The following PSD3 variants were observed in gnomAD, a reference collection of about 807,000 sequenced individuals.
The protein encoded by PSD3 is PH and SEC7 domain-containing protein 3.
Under a neutral mutation model 105.5 loss-of-function variants are expected in PSD3, and 49 were observed. The ratio of observed to expected loss-of-function variants is 0.46; its 90% CI spans 0.37 to 0.59. PSD3 has a LOEUF of 0.59. PSD3 is among the 20% of genes least tolerant of loss of function. PSD3 has a pLI of 0.00. For synonymous variants in PSD3, 557 were observed against 457.8 expected, an observed-to-expected ratio of 1.22 and a Z score of -2.77; for missense variants, 1,561 against 1,263.8, an observed-to-expected ratio of 1.24 and a Z score of -3.57.
At chr8:18,768,565 C>T (rs1383791921) in intron 8 of PSD3, among the ~76,000 whole-genome samples, 1 of 152,178 alleles carries the variant, frequency 6.6e-6, no homozygotes, top group African/African-American at 2.4e-5. Context: ...CCACTGCATT[C>T]CAGCTCGGGT....
At chr8:18,787,911 A>C (rs1048179996) in intron 8 of PSD3, among the ~76,000 whole-genome samples, 1 of 152,212 alleles carries the variant, frequency 6.6e-6, no homozygotes, top group Non-Finnish European at 1.5e-5. Flanking sequence ...AAGACTCCAA[A>C]ACAGACAAAT....
chr8:18,840,581 G>C (rs1280420560), intron 4 of PSD3, among the ~76,000 whole-genome samples: 1 of 152,216 alleles, frequency 6.6e-6, no homozygotes, highest in Non-Finnish European at 1.5e-5. Flanking sequence ...CAACAATCCT[G>C]CGAAGTAGGT....
chr8:18,698,354 A>G (rs1277815959), intron 9 of PSD3, among the ~76,000 whole-genome samples: 1 of 152,146 alleles, frequency 6.6e-6, no homozygotes, highest in African/African-American at 2.4e-5. Flanking sequence ...CCTGGGCTCA[A>G]GTGATCCTCC....
chr8:18,577,847 A>G lies in PSD3; in HGVS notation c.2482-2562T>C, dbSNP rs1452919851. On this transcript the variant is annotated intron_variant, in intron 12 of 15. Transcript: ENST00000327040. ...TCCCCTCATAGATTTAACTGCATCT[A>G]TGTTTCCTCGCTCACCTGCTTCTTT... Among the ~76,000 whole-genome samples, 5 of 152,150 alleles carry G rather than the reference A, an allele frequency of 3.3e-5. No homozygotes were observed. The East Asian group carries it at 5.8e-4, about 18-fold the overall frequency.
chr8:18,658,935 C>T (rs1809102869), intron 9 of PSD3, among the ~76,000 whole-genome samples: 1 of 152,132 alleles, frequency 6.6e-6, no homozygotes, highest in Admixed American at 6.5e-5. Flanking sequence ...CCAAAACAAG[C>T]AACACCTTTT....
intron 9 of PSD3, among the ~76,000 whole-genome samples, chr8:18,670,737 C>T (rs190417245): frequency 6.6e-6 from 1 of 152,222 alleles, no homozygotes; most frequent in Admixed American, 6.5e-5. Context: ...AGGTGCAAAA[C>T]ATTGTTACGG....
rs1167907111 is a variant in PSD3, at chr8:18,535,645, C to G, written c.*98G>C. ...AAATTACTAATGCACCGTTTTGTCA[C>G]AGACTTTTTTTTTTTAAATATATTC... On this transcript the variant is annotated 3_prime_UTR_variant, in exon 16 of 16. Transcript: ENST00000327040. 2 of 990,846 alleles carry G rather than the reference C, an allele frequency of 2.0e-6. No individual in the cohort carries two copies. Among genetic ancestry groups the G allele is most frequent in the African/African-American group, 1.8e-5 (1 of 56,594 alleles). The allele number at this position is 990,846 out of a possible 1,614,324, so 61.4% of individuals were successfully genotyped here.
At position 19,059,417 on chromosome 8, in the gene PSD3, G is replaced by A. The variant is rs184843573; in HGVS notation, c.324+24789C>T. On this transcript the variant is annotated intron_variant, in intron 1 of 1. Coordinates refer to the PSD3 transcript ENST00000521475. ...TCATGAGAAGCACAAGGAAAGCAGG[G>A]TACACCAAGCTCTGAAACACACTAT... Among the ~76,000 whole-genome samples the A allele has an allele frequency of 6.5e-4, 99 of 152,324 alleles. 1 individual carries two copies. Among genetic ancestry groups the A allele is most frequent in the African/African-American group, 2.3e-3 (96 of 41,590 alleles).
chr8:18,693,597 C>A (rs922041740), intron 9 of PSD3, among the ~76,000 whole-genome samples: 1 of 152,142 alleles, frequency 6.6e-6, no homozygotes, highest in Non-Finnish European at 1.5e-5. Flanking sequence ...CTAAGCCCGG[C>A]CATATGATGC....
At chr8:18,777,797 C>CCCA (rs915368691) in intron 8 of PSD3, among the ~76,000 whole-genome samples, 1 of 152,122 alleles carries the variant, frequency 6.6e-6, no homozygotes, top group African/African-American at 2.4e-5. Context: ...TCCCTTTAAT[C>CCCA]CCACCACCAC....
intron 11 of PSD3, among the ~76,000 whole-genome samples, chr8:18,612,379 T>A (rs893508435): frequency 6.6e-6 from 1 of 152,160 alleles, no homozygotes; most frequent in African/African-American, 2.4e-5. Flanking sequence ...TGATGCATTT[T>A]TTTTTTTCTT....
In PSD3 at chr8:18,801,518, A is replaced by C; in HGVS notation, c.1911-136T>G. The stretch of plus-strand genomic sequence containing the variant: ...GATATTATGAAGTTATCTCCCCCCA[A>C]AAAAATCATTTACTAGACAGCCATT... On this transcript the variant is annotated intron_variant, in intron 6 of 15. Coordinates refer to ENST00000327040, the MANE Select transcript of PSD3 (RefSeq NM_015310.4). The C allele has an allele frequency of 5.4e-6, 3 of 560,700 alleles. No individual in the cohort carries two copies. The South Asian group carries it at 7.7e-5, about 14-fold the overall frequency. The allele number at this position is 560,700 out of a possible 1,614,324, so 34.7% of individuals were successfully genotyped here. A position where few individuals can be genotyped will look rare whatever the true frequency, so the allele number is the denominator to read the frequency against.
intron 9 of PSD3, among the ~76,000 whole-genome samples, chr8:18,687,590 T>A (rs1408458041): frequency 1.3e-5 from 2 of 152,166 alleles, no homozygotes; most frequent in Non-Finnish European, 2.9e-5. Context: ...CGTACCATTT[T>A]CCTGTTCAGT....
chr8:19,032,532 C>T (rs973703337), intron 1 of PSD3, among the ~76,000 whole-genome samples: 2 of 151,680 alleles, frequency 1.3e-5, no homozygotes, highest in African/African-American at 2.4e-5. Context: ...TGCCTGTAGT[C>T]CCAGCTACTC....
chr8:19,003,776 G>A (rs1008108129), intron 1 of PSD3, among the ~76,000 whole-genome samples: 1 of 151,848 alleles, frequency 6.6e-6, no homozygotes, highest in Non-Finnish European at 1.5e-5. Context: ...GGGTTGTCTT[G>A]GATCAAGACC....
chr8:18,655,306 G>A (rs2130851825), intron 10 of PSD3, among the ~76,000 whole-genome samples: 1 of 146,058 alleles, frequency 6.8e-6, no homozygotes, highest in Non-Finnish European at 1.5e-5. Context: ...TCCAGCCTGG[G>A]CGACAAAGCC....
At chr8:18,945,701 C>T (rs1241251316) in intron 1 of PSD3, among the ~76,000 whole-genome samples, 6 of 152,186 alleles carry the variant, frequency 3.9e-5, no homozygotes, top group Admixed American at 6.5e-5. Flanking sequence ...GTCAGCTGGG[C>T]GTGGTGGCTC....
chr8:18,757,930 C>A (rs1806193786), intron 9 of PSD3, among the ~76,000 whole-genome samples: 1 of 152,062 alleles, frequency 6.6e-6, no homozygotes, highest in Non-Finnish European at 1.5e-5. Context: ...TTTCATTAAG[C>A]CTATTTTTAT....
chr8:18,590,433 G>A (rs9644564), intron 12 of PSD3, among the ~76,000 whole-genome samples: 5,508 of 152,198 alleles, frequency 0.036, 290 homozygotes, highest in East Asian at 0.21. Flanking sequence ...CCAAAAACAA[G>A]AAGTTCAAAA....
Sources: gnomAD v4.1 joint callset for allele counts (sites outside exome capture counted in the v4.1 genomes callset) on GRCh38, gnomAD v4.1.1 for gene constraint, MANE v1.5 for transcripts, NCBI Gene and HGNC (gene_info 2026-07-23, HGNC 2026-07-21) for gene names.